CSF3R: variants seen among roughly 807,000 people sequenced by gnomAD.
The protein encoded by CSF3R is colony stimulating factor 3 receptor.
CSF3R carries 52 observed loss-of-function variants against 84.4 expected under a neutral mutation model. That is an observed-to-expected ratio of 0.62 (90% CI 0.49 to 0.78). The LOEUF is 0.78. CSF3R is among the 30% of genes least tolerant of loss of function. The pLI is 0.00. For synonymous variants in CSF3R, 384 were observed against 429.1 expected (o/e 0.89, Z 1.30); for missense variants, 890 against 1,055.7 (o/e 0.84, Z 2.17).
rs1190006655 is a variant in CSF3R at position 36,472,300 on chromosome 1, C to G, written c.935G>C (p.Trp312Ser). ...AYTLQIRCIR[W>S]PLPGHWSDWS... ...GTCGCTCCAGTGGCCAGGCAGGGGC[C>G]AGCGGATGCAGCGTATCTGCAGGGT... Residue 312 changes from tryptophan (W) to serine (S), a missense_variant, in exon 8 of 17, where the codon TGG becomes TCG. By Grantham distance (177) the Trp-to-Ser change is radical (BLOSUM62 -3). Coordinates refer to ENST00000373106, the MANE Select transcript of CSF3R (RefSeq NM_000760.4). This position sits in a 1 kb window ranked among gnomAD's most constrained non-coding sequence, Gnocchi z 5.0. The G allele has an allele frequency of 6.2e-7, 1 of 1,614,188 alleles. No individual in the cohort carries two copies.
intron 4 of CSF3R, 89 bp from the exon 5 acceptor site, chr1:36,473,976 T>A: frequency 6.3e-7 from 1 of 1,592,088 alleles, no homozygotes; most frequent in Non-Finnish European, 8.6e-7. Flanking sequence ...TGCCTTGCCC[T>A]GGCTTGGTTC....
intron 9 of CSF3R, 106 bp downstream of exon 9, chr1:36,471,960 C>T (rs1407298511): frequency 1.3e-5 from 14 of 1,114,132 alleles, no homozygotes; most frequent in East Asian, 5.0e-5. Flanking sequence ...CATATAAATG[C>T]GTCCACGCCT....
Position 36,466,339 on chromosome 1 carries a change from AG to A in CSF3R, c.*17del. 6.2e-7 allele frequency: 1 copy of A among 1,612,360 alleles called. No homozygotes were observed. Reference sequence around the variant, plus strand: ...AGGCCTTTAAGAGGCAGGCCCAAGAAGGGAACCCCAGGAAGCCCTAGAAGCT... The same window carrying A: ...AGGCCTTTAAGAGGCAGGCCCAAGAAGGAACCCCAGGAAGCCCTAGAAGCT... On this transcript the variant is annotated 3_prime_UTR_variant, in exon 17 of 17. Transcript: ENST00000373106. The surrounding 1 kb of genome is among the most constrained non-coding windows in gnomAD (Gnocchi z 4.6).
intron 3 of CSF3R, among the ~76,000 whole-genome samples, chr1:36,476,482 T>C (rs558542898): frequency 6.6e-6 from 1 of 152,346 alleles, no homozygotes; most frequent in Non-Finnish European, 1.5e-5. Flanking sequence ...AATCCTTCAA[T>C]AGCTCCTGTG....
In CSF3R at chr1:36,467,465, G is replaced by T; in HGVS notation, c.1958+93C>A. 6.9e-7 allele frequency: 1 copy of T among 1,449,434 alleles called. No homozygotes were observed. The highest frequency in any genetic ancestry group is 2.3e-5 in the East Asian group (1 of 43,912). The allele number at this position is 1,449,434 out of a possible 1,614,324, so 89.8% of individuals were successfully genotyped here. ...TCTCAGACATGGGCCCCAAAGTTTG[G>T]GAAGGCTGGAAGGGACTTAGATGGG... On this transcript the variant is annotated intron_variant, in intron 15 of 16. Transcript: ENST00000373106. The surrounding 1 kb of genome is among the most constrained non-coding windows in gnomAD (Gnocchi z 4.1).
chr1:36,474,390 CTTTTT>C (rs911099378), intron 4 of CSF3R, among the ~76,000 whole-genome samples: 2,262 of 86,010 alleles, frequency 0.026, 15 homozygotes, highest in East Asian at 0.062. Context: ...ATTACTGGTG[CTTTTT>C]TTTTTTTTTT....
rs772540035 is a variant in CSF3R at position 36,469,840 on chromosome 1, C to CCTGG, written c.1286-4_1286-1dup (p.Gly429AlafsTer35). 6 of 1,613,926 alleles carry CCTGG rather than the reference C, an allele frequency of 3.7e-6. No homozygotes were observed. The South Asian group carries it at 6.6e-5, about 18-fold the overall frequency. On this transcript the variant is annotated frameshift_variant and splice_region_variant. Transcript: ENST00000373106. LOFTEE classifies it high-confidence loss of function. Reference sequence around the variant, plus strand: ...GGCATGGAGTCTGGTCAGAGCTGGGCCTGGAGACAGGGTGGGAAATGGTGG... The same window carrying CCTGG: ...GGCATGGAGTCTGGTCAGAGCTGGGCCTGGCTGGAGACAGGGTGGGAAATGGTGG...
At position 36,467,883 on chromosome 1, in the gene CSF3R, C is replaced by A; in HGVS notation, c.1803G>T (p.Met601Ile). ...EPASLYHIHL[M>I]AASQAGATNS... ...TGGTGGCCCCAGCCTGGCTGGCAGC[C>A]ATGAGGTGGATGTGATACAGACTGG... The change falls in exon 14 of 17, where the codon ATG (methionine) becomes ATT (isoleucine). Residue 601 changes from methionine to isoleucine, a missense_variant. Physicochemically the swap from Met to Ile is conservative, Grantham distance 10. Transcript: ENST00000373106. The surrounding 1 kb of genome is among the most constrained non-coding windows in gnomAD (Gnocchi z 4.1). 1 of 1,614,236 alleles carries A rather than the reference C, an allele frequency of 6.2e-7. No individual in the cohort carries two copies. Among genetic ancestry groups the A allele is most frequent in the African/African-American group, 1.3e-5 (1 of 75,066 alleles).
At position 36,469,173 on chromosome 1, in the gene CSF3R, G is replaced by T; in HGVS notation, c.1559C>A (p.Ala520Asp). The T allele has an allele frequency of 2.5e-6, 4 of 1,613,556 alleles. No homozygotes were observed. The highest frequency in any genetic ancestry group is 2.5e-6 in the Non-Finnish European group (3 of 1,179,466). ...DTMGPSQHVYAYSQEMAPSHA... is the reference protein window; with the variant it reads ...DTMGPSQHVYDYSQEMAPSHA... ...TGACAAACCCATTTCTTGAGAGTAGGCATAGACATGCTGGGAGGGTCCCAT... is the reference window on the plus strand; with the variant it reads ...TGACAAACCCATTTCTTGAGAGTAGTCATAGACATGCTGGGAGGGTCCCAT... The change falls in exon 12 of 17, where the codon GCC (alanine) becomes GAC (aspartate). Residue 520 changes from alanine to aspartate, a missense_variant. By Grantham distance (126) the Ala-to-Asp change is moderately radical. Transcript: ENST00000373106.
intron 3 of CSF3R, chr1:36,478,850 CACAA>C (rs986089807): frequency 2.5e-5 from 5 of 199,346 alleles, no homozygotes; most frequent in African/African-American, 1.2e-4. Flanking sequence ...GACCCTGTCT[CACAA>C]ACGAACAAAC....
chr1:36,467,729 CAA>C lies in CSF3R; in HGVS notation c.1865-80_1865-79del, dbSNP rs748325568. On this transcript the variant is annotated intron_variant, in intron 14 of 16. Transcript: ENST00000373106. The surrounding 1 kb of genome is among the most constrained non-coding windows in gnomAD (Gnocchi z 4.1). ...GTCTCCTCCCTCCGACCAGGGGATTCAAAGTCAGTCCCCAGCTACTCTCAAAA... is the reference window on the plus strand; with the variant it reads ...GTCTCCTCCCTCCGACCAGGGGATTCAGTCAGTCCCCAGCTACTCTCAAAA... 11 of 1,611,076 alleles carry C rather than the reference CAA, an allele frequency of 6.8e-6. No individual in the cohort carries two copies. Among genetic ancestry groups the C allele is most frequent in the South Asian group, 5.5e-5 (5 of 90,960 alleles).
At chr1:36,474,137 C>T (rs1650967119) in intron 4 of CSF3R, among the ~76,000 whole-genome samples, 2 of 152,246 alleles carry the variant, frequency 1.3e-5, no homozygotes, top group Non-Finnish European at 2.9e-5. Flanking sequence ...GCCCCCAACT[C>T]TAGACCCTTT....
chr1:36,475,171 A>AT (rs1385413652), intron 4 of CSF3R, among the ~76,000 whole-genome samples: 2 of 151,824 alleles, frequency 1.3e-5, no homozygotes, highest in Non-Finnish European at 2.9e-5. Context: ...TGCCTGGCTA[A>AT]TTTTTTTGTA....
At chr1:36,473,100 T>C (rs3917970) in intron 6 of CSF3R, 5,401 of 406,166 alleles carry the variant, frequency 0.013, 158 homozygotes, top group African/African-American at 0.083. Context: ...TATCTTATTT[T>C]CCCCCCCACT....
rs748394788 is a variant in CSF3R at position 36,472,244 on chromosome 1, C to T, written c.991G>A (p.Glu331Lys). 57 of 1,613,978 alleles carry T rather than the reference C, an allele frequency of 3.5e-5. No homozygotes were observed. The highest frequency in any genetic ancestry group is 3.3e-4 in the Middle Eastern group (2 of 6,082). ...CCTCTCATCACCTCCTTACCCCGTTCGGTAGTTCTCAGCTCCAGGCTGGGG... is the reference window on the plus strand; with the variant it reads ...CCTCTCATCACCTCCTTACCCCGTTTGGTAGTTCTCAGCTCCAGGCTGGGG... ...WSPSLELRTTERAPTVRLDTW... is the reference protein window; with the variant it reads ...WSPSLELRTTKRAPTVRLDTW... The change falls in exon 8 of 17, where the codon GAA becomes AAA. Residue 331 changes from glutamate (E) to lysine (K), a missense_variant. Physicochemically the swap from Glu to Lys is moderately conservative, Grantham distance 56 (BLOSUM62 1). Transcript: ENST00000373106. This position sits in a 1 kb window ranked among gnomAD's most constrained non-coding sequence, Gnocchi z 5.0.
chr1:36,475,581 T>C lies in CSF3R; in HGVS notation c.157A>G (p.Ser53Gly), dbSNP rs1651086485. The C allele has an allele frequency of 1.2e-6, 2 of 1,612,674 alleles. No homozygotes were observed. The highest frequency in any genetic ancestry group is 2.7e-5 in the African/African-American group (2 of 74,880). The change falls in exon 4 of 17, where the codon AGC becomes GGC. Residue 53 changes from serine (S) to glycine (G), a missense_variant. Transcript: ENST00000373106. ...ATCTGTGGCTCCGGGTCCAGATGGC[T>C]GCAGTTCTGCTTGATGATGCAGGAG... ...TASCIIKQNC[S>G]HLDPEPQILW...
In CSF3R at chr1:36,467,707, TC is replaced by T; in HGVS notation, c.1865-57del. On this transcript the variant is annotated intron_variant, in intron 14 of 16. Transcript: ENST00000373106. The surrounding 1 kb of genome is among the most constrained non-coding windows in gnomAD (Gnocchi z 4.1). ...GAATGCATGTTGGGAAGGCTGGGTC[TC>T]CTCCCTCCGACCAGGGGATTCAAAG... 1 of 1,610,886 alleles carries T rather than the reference TC, an allele frequency of 6.2e-7. No individual in the cohort carries two copies. Among genetic ancestry groups the T allele is most frequent in the Non-Finnish European group, 8.5e-7 (1 of 1,177,042 alleles).
chr1:36,478,302 G>A (rs1651292908), intron 3 of CSF3R, among the ~76,000 whole-genome samples: 1 of 152,050 alleles, frequency 6.6e-6, no homozygotes, highest in Non-Finnish European at 1.5e-5. Flanking sequence ...GCCGAGGTGA[G>A]TGGATCACCT....
At chr1:36,478,522 C>G (rs1317051568) in intron 3 of CSF3R, among the ~76,000 whole-genome samples, 1 of 151,450 alleles carries the variant, frequency 6.6e-6, no homozygotes, top group Non-Finnish European at 1.5e-5. Context: ...GAGTGAGACT[C>G]CATCTCAAAA....
Sources: allele counts gnomAD v4.1 joint callset (sites outside exome capture counted in the v4.1 genomes callset), GRCh38; gene constraint gnomAD v4.1.1; non-coding constraint Gnocchi (gnomAD v3.1); transcripts MANE v1.5; gene names NCBI Gene and HGNC (gene_info 2026-07-23, HGNC 2026-07-21).